The following EYS variants were observed in gnomAD, a reference collection of about 807,000 sequenced individuals.
EYS encodes EGF-like photoreceptor maintenance factor.
A neutral mutation model predicts 282.1 loss-of-function variants in EYS; 250 were observed. The ratio of observed to expected loss-of-function variants is 0.89; its 90% confidence interval spans 0.80 to 0.98. The LOEUF (loss-of-function observed/expected upper bound fraction) is 0.98, where lower values mean the gene tolerates loss of function less well. Ranked by LOEUF, EYS falls within the 50% of genes least tolerant of loss-of-function variation. The pLI is 0.00. For missense variants in EYS, 4,016 were observed against 3,709.0 expected, an observed-to-expected ratio of 1.08 and a Z score of -2.15; for synonymous variants, 1,355 against 1,282.9, an observed-to-expected ratio of 1.06 and a Z score of -1.20.
chr6:64,159,791 C>G (rs925098108), intron 31 of EYS, among the ~76,000 whole-genome samples: 1 of 151,900 alleles, frequency 6.6e-6, no homozygotes, highest in African/African-American at 2.4e-5. Context: ...ATGTCTACAA[C>G]CCCATGAATG....
At chr6:65,497,904 C>T (rs1766311395) in intron 2 of EYS, among the ~76,000 whole-genome samples, 1 of 151,962 alleles carries the variant, frequency 6.6e-6, no homozygotes, top group African/African-American at 2.4e-5. Context: ...TAGCATTAGT[C>T]TAGTTTCAAG....
chr6:65,334,822 T>C (rs138260990), intron 11 of EYS, 158 bp downstream of exon 11: 10 of 615,730 alleles, frequency 1.6e-5, no homozygotes, highest in African/African-American at 1.3e-4. Context: ...TGTAACATAA[T>C]ATATAATAAC....
chr6:65,228,971 A>C (rs1766699519), intron 12 of EYS, among the ~76,000 whole-genome samples: 1 of 152,030 alleles, frequency 6.6e-6, no homozygotes, highest in Non-Finnish European at 1.5e-5. Flanking sequence ...AGAAAGAGCC[A>C]GTCTTAATCC....
intron 31 of EYS, among the ~76,000 whole-genome samples, chr6:64,172,766 G>T (rs1200327325): frequency 6.6e-6 from 1 of 152,118 alleles, no homozygotes; most frequent in East Asian, 1.9e-4. Flanking sequence ...TGTGCTTTTA[G>T]TTTCAGATCA....
intron 31 of EYS, among the ~76,000 whole-genome samples, chr6:64,147,142 A>G (rs1389186261): frequency 6.6e-6 from 1 of 152,134 alleles, no homozygotes; most frequent in African/African-American, 2.4e-5. Flanking sequence ...GGAGCAGATG[A>G]AGCTAACAGG....
At chr6:64,208,162 A>T (rs1426482937) in intron 31 of EYS, among the ~76,000 whole-genome samples, 1 of 152,184 alleles carries the variant, frequency 6.6e-6, no homozygotes, top group Non-Finnish European at 1.5e-5. Context: ...ATTATCGTTC[A>T]TGTGTTCCAC....
intron 13 of EYS, among the ~76,000 whole-genome samples, chr6:65,014,486 A>C: frequency 6.6e-6 from 1 of 152,172 alleles, no homozygotes; most frequent in East Asian, 1.9e-4. Flanking sequence ...TGAACAGGTG[A>C]TATTTGGAGT....
At chr6:64,586,922 A>T (rs543475692) in intron 26 of EYS, among the ~76,000 whole-genome samples, 1 of 152,116 alleles carries the variant, frequency 6.6e-6, no homozygotes, top group Non-Finnish European at 1.5e-5. Context: ...ATATTGCTGT[A>T]GGAAAAGAAT....
chr6:64,455,467 G>T, intron 26 of EYS, among the ~76,000 whole-genome samples: 1 of 151,466 alleles, frequency 6.6e-6, no homozygotes, highest in African/African-American at 2.4e-5. Context: ...TTAAGTTCTG[G>T]GATCTATGTG....
chr6:63,795,422 A>G (rs1562029912), intron 37 of EYS, among the ~76,000 whole-genome samples: 1 of 152,198 alleles, frequency 6.6e-6, no homozygotes, highest in Non-Finnish European at 1.5e-5. Context: ...GAAAAGAGCA[A>G]AGTAGTTGAG....
At chr6:65,224,156 C>T (rs1022659238) in intron 12 of EYS, among the ~76,000 whole-genome samples, 2 of 151,982 alleles carry the variant, frequency 1.3e-5, no homozygotes, top group Non-Finnish European at 2.9e-5. Flanking sequence ...ATGGAACATC[C>T]TCTATGTATT....
intron 29 of EYS, among the ~76,000 whole-genome samples, chr6:64,363,014 G>A (rs1295250893): frequency 2.4e-5 from 3 of 123,142 alleles, no homozygotes; most frequent in African/African-American, 9.3e-5. Context: ...TTTTTTTTGT[G>A]CAGTGTGTGA....
At chr6:64,204,496 T>C (rs989078370) in intron 31 of EYS, among the ~76,000 whole-genome samples, 2 of 152,048 alleles carry the variant, frequency 1.3e-5, no homozygotes, top group Admixed American at 1.3e-4. Context: ...ATGGGAAATA[T>C]ACAATGAAAT....
chr6:64,401,978 A>C (rs1773550900), intron 28 of EYS, among the ~76,000 whole-genome samples: 1 of 152,150 alleles, frequency 6.6e-6, no homozygotes, highest in African/African-American at 2.4e-5. Context: ...TATCTATGAC[A>C]GCTCAACAAC....
chr6:64,356,654 GA>G (rs1171900113), intron 29 of EYS, among the ~76,000 whole-genome samples: 1 of 151,594 alleles, frequency 6.6e-6, no homozygotes. Flanking sequence ...TCGTTGATCA[GA>G]GAGGAGGCGT....
rs550546032 is a variant in EYS at position 64,851,618 on chromosome 6, T to C, written c.2993-28796A>G. Among the ~76,000 whole-genome samples, 9 of 152,200 alleles carry C rather than the reference T, an allele frequency of 5.9e-5. No individual in the cohort carries two copies. The South Asian group carries it at 1.7e-3, about 28-fold the overall frequency. The stretch of plus-strand genomic sequence containing the variant: ...TACACCATGGAATACTATGCAGCCA[T>C]AAAAAAGAATGAGATCGTGTCCTTT... On this transcript the variant is annotated intron_variant, in intron 19 of 42. Coordinates refer to ENST00000503581, the MANE Select transcript of EYS (RefSeq NM_001142800.2).
intron 14 of EYS, among the ~76,000 whole-genome samples, chr6:64,950,788 TATA>T (rs1769461597): frequency 1.1e-5 from 1 of 88,602 alleles, no homozygotes; most frequent in African/African-American, 4.9e-5. Flanking sequence ...TATATACACA[TATA>T]CATATACATA....
At chr6:65,640,462 C>A (rs1355600865) in intron 1 of EYS, among the ~76,000 whole-genome samples, 1 of 151,984 alleles carries the variant, frequency 6.6e-6, no homozygotes, top group African/African-American at 2.4e-5. Flanking sequence ...CATAGGCTAT[C>A]CGTGAAATAT....
intron 30 of EYS, among the ~76,000 whole-genome samples, chr6:64,258,429 A>T (rs972299356): frequency 6.6e-6 from 1 of 152,054 alleles, no homozygotes; most frequent in Non-Finnish European, 1.5e-5. Flanking sequence ...ATACTGTTTA[A>T]TACAAATGCA....
Sources: gnomAD v4.1 joint callset for allele counts (sites outside exome capture counted in the v4.1 genomes callset) on GRCh38, gnomAD v4.1.1 for gene constraint, MANE v1.5 for transcripts, NCBI Gene and HGNC (gene_info 2026-07-23, HGNC 2026-07-21) for gene names.